Variants in SLC25A13 observed in about 807,000 individuals in gnomAD.
SLC25A13 encodes the protein solute carrier family 25 member 13.
Under a neutral mutation model 85.5 loss-of-function variants are expected in SLC25A13, and 70 were observed. The ratio of observed to expected loss-of-function variants is 0.82; its 90% CI spans 0.68 to 1.00. The LOEUF (loss-of-function observed/expected upper bound fraction) is 1.00. SLC25A13 is among the 50% of genes least tolerant of loss of function. The probability of loss-of-function intolerance (pLI) is 0.00; values close to 1 mark genes in which losing one functional copy is unlikely to be tolerated. For missense variants in SLC25A13, 765 were observed against 819.8 expected (o/e 0.93, Z 0.82); for synonymous variants, 259 against 288.7 (o/e 0.90, Z 1.04).
chr7:96,190,897 G>C (rs1009766166), intron 7 of SLC25A13, among the ~76,000 whole-genome samples: 6 of 152,232 alleles, frequency 3.9e-5, no homozygotes, highest in Non-Finnish European at 7.3e-5. Context: ...TCAGGTGTGA[G>C]TCACCAAGCT....
intron 9 of SLC25A13, among the ~76,000 whole-genome samples, chr7:96,187,566 A>C (rs898256092): frequency 2.6e-5 from 4 of 152,194 alleles, no homozygotes; most frequent in African/African-American, 9.6e-5. Context: ...ATACTTAGAA[A>C]TGTTCTGGCA....
At chr7:96,219,776 C>T (rs375859170) in intron 4 of SLC25A13, 17 of 532,418 alleles carry the variant, frequency 3.2e-5, no homozygotes, top group Non-Finnish European at 5.8e-5. Context: ...CCTCTATAAT[C>T]TGACAGATCT....
At chr7:96,228,823 C>T (rs1043844726) in intron 4 of SLC25A13, among the ~76,000 whole-genome samples, 6 of 152,190 alleles carry the variant, frequency 3.9e-5, no homozygotes, top group African/African-American at 1.4e-4. Context: ...GCACCGCCAG[C>T]CCTGGGCACT....
intron 4 of SLC25A13, among the ~76,000 whole-genome samples, chr7:96,230,201 T>C (rs187375315): frequency 2.0e-5 from 3 of 152,252 alleles, no homozygotes; most frequent in Admixed American, 2.0e-4. Flanking sequence ...ATCTCACAAA[T>C]AAAATGAACA....
At chr7:96,277,693 T>A (rs938868139) in intron 2 of SLC25A13, among the ~76,000 whole-genome samples, 23 of 152,038 alleles carry the variant, frequency 1.5e-4, no homozygotes, top group South Asian at 8.3e-4. Flanking sequence ...AACAGACAGT[T>A]CTCCAGCCCA....
Position 96,121,214 on chromosome 7 carries a change from T to G in SLC25A13, c.2005A>C (p.Lys669Gln). ...TCCTATGGGCCTCCACCAATAGCCT[T>G]TGAGGTAGATACTGATGGCTTGAAG... ...PLFKPSVSTS[K>Q]AIGGGP Residue 669 changes from lysine to glutamine, a missense_variant, in exon 18 of 18, where the codon AAG (lysine) becomes CAG (glutamine). By Grantham distance (53) the Lys-to-Gln change is moderately conservative. Coordinates refer to ENST00000265631, the MANE Select transcript of SLC25A13 (RefSeq NM_014251.3). 6.2e-7 allele frequency: 1 copy of G among 1,614,114 alleles called. No homozygotes were observed. The highest frequency in any genetic ancestry group is 1.1e-5 in the South Asian group (1 of 91,068).
At chr7:96,190,235 C>A (rs1005269280) in intron 7 of SLC25A13, among the ~76,000 whole-genome samples, 1 of 151,792 alleles carries the variant, frequency 6.6e-6, no homozygotes, top group Non-Finnish European at 1.5e-5. Flanking sequence ...CAGGTGTGTG[C>A]CACCATGCCC....
At chr7:96,138,398 CTTT>C (rs751447641) in intron 14 of SLC25A13, among the ~76,000 whole-genome samples, 1 of 139,554 alleles carries the variant, frequency 7.2e-6, no homozygotes. Context: ...TTTTCTTTTT[CTTT>C]TTTTTTTTTT....
intron 1 of SLC25A13, among the ~76,000 whole-genome samples, chr7:96,317,194 T>C (rs1029246505): frequency 4.6e-5 from 7 of 152,086 alleles, no homozygotes; most frequent in Non-Finnish European, 8.8e-5. Context: ...CTCAAATTCC[T>C]GACCTGAGGT....
intron 9 of SLC25A13, 40 bp from the exon 10 acceptor site, chr7:96,185,051 G>T (rs1412095645): frequency 6.5e-7 from 1 of 1,542,922 alleles, no homozygotes; most frequent in African/African-American, 1.4e-5. Context: ...AGGAAAACAG[G>T]TGACAGAAAA....
At chr7:96,274,702 G>A (rs982560703) in intron 3 of SLC25A13, among the ~76,000 whole-genome samples, 1 of 152,162 alleles carries the variant, frequency 6.6e-6, no homozygotes, top group Non-Finnish European at 1.5e-5. Flanking sequence ...GTAAGGAAGG[G>A]ATCCAGTTTC....
At position 96,214,334 on chromosome 7, in the gene SLC25A13, T is replaced by C. The variant is rs976917290; in HGVS notation, c.329-5357A>G. Among the ~76,000 whole-genome samples, 4 of 152,120 alleles carry C rather than the reference T, an allele frequency of 2.6e-5. No individual in the cohort carries two copies. In the East Asian group the frequency reaches 7.7e-4, roughly 29 times the overall value. The stretch of plus-strand genomic sequence containing the variant: ...GAAATCACTAAAAAATTATTAGAAC[T>C]AATAAATAAGTCTAGCAAGGTTGGA... On this transcript the variant is annotated intron_variant, in intron 4 of 17. Coordinates refer to ENST00000265631, the MANE Select transcript of SLC25A13 (RefSeq NM_014251.3).
At chr7:96,280,156 C>A (rs1476329088) in intron 2 of SLC25A13, among the ~76,000 whole-genome samples, 4 of 152,164 alleles carry the variant, frequency 2.6e-5, no homozygotes, top group Non-Finnish European at 5.9e-5. Flanking sequence ...CATGCTATAA[C>A]TAGAGGGAAA....
At chr7:96,230,230 G>A (rs994028277) in intron 4 of SLC25A13, among the ~76,000 whole-genome samples, 5 of 152,190 alleles carry the variant, frequency 3.3e-5, no homozygotes, top group African/African-American at 4.8e-5. Context: ...CAGACCAAAA[G>A]AGTACATTCT....
chr7:96,248,405 A>T (rs2116858747), intron 3 of SLC25A13, among the ~76,000 whole-genome samples: 1 of 152,336 alleles, frequency 6.6e-6, no homozygotes, highest in East Asian at 1.9e-4. Flanking sequence ...AACTTAGAAT[A>T]ACAAAAGAGA....
intron 7 of SLC25A13, among the ~76,000 whole-genome samples, chr7:96,190,667 C>T (rs1794814122): frequency 6.6e-6 from 1 of 152,060 alleles, no homozygotes; most frequent in Non-Finnish European, 1.5e-5. Flanking sequence ...GGCTGGAGTG[C>T]AGTGGCGTGA....
At chr7:96,317,160 A>G (rs942417432) in intron 1 of SLC25A13, among the ~76,000 whole-genome samples, 1 of 151,874 alleles carries the variant, frequency 6.6e-6, no homozygotes, top group African/African-American at 2.4e-5. Context: ...TTTAGTAGAG[A>G]TGGGCCAGAC....
rs553355277 is a variant in SLC25A13 at position 96,275,811 on chromosome 7, C to T, written c.212+1385G>A. On this transcript the variant is annotated intron_variant, in intron 3 of 17. Coordinates refer to ENST00000265631, the MANE Select transcript of SLC25A13 (RefSeq NM_014251.3). ...AAACGACGAGTTGACGGGTGCAGCA[C>T]ACCAACATGGCACATGTATACATAC... is the stretch of plus-strand genomic sequence containing the variant. 3.4e-3 allele frequency among the ~76,000 whole-genome samples: 514 copies of T among 152,196 alleles called. 3 individuals carry two copies. The highest frequency in any genetic ancestry group is 4.7e-3 in the Non-Finnish European group (320 of 68,016).
At chr7:96,205,019 T>C (rs552111412) in intron 5 of SLC25A13, among the ~76,000 whole-genome samples, 4 of 152,338 alleles carry the variant, frequency 2.6e-5, no homozygotes, top group Admixed American at 6.5e-5. Context: ...GCGATTCTCC[T>C]GCCTCAGCCT....
Sources: gnomAD v4.1 joint callset for allele counts (sites outside exome capture counted in the v4.1 genomes callset) on GRCh38, gnomAD v4.1.1 for gene constraint, MANE v1.5 for transcripts, NCBI Gene and HGNC (gene_info 2026-07-23, HGNC 2026-07-21) for gene names.